The following FGF13 variants were observed in gnomAD, a reference collection of about 807,000 sequenced individuals.
FGF13 encodes fibroblast growth factor homologous factor 2.
FGF13 carries 2 observed loss-of-function variants against 19.5 expected under a neutral mutation model. That is an observed-to-expected ratio of 0.10 (90% CI 0.04 to 0.32). The LOEUF is 0.32. Among genes scored for constraint, FGF13 ranks in the 10% least tolerant of loss-of-function variants. The pLI is 1.00. For synonymous variants in FGF13, 72 were observed against 76.9 expected (o/e 0.94, Z 0.33); for missense variants, 113 against 192.7 (o/e 0.59, Z 2.45).
chrX:138,663,641 T>C (rs1360103540), intron 3 of FGF13, among the ~76,000 whole-genome samples: 2 of 111,817 alleles, frequency 1.8e-5, no homozygotes, highest in Non-Finnish European at 1.9e-5. Context: ...CATTGACTAC[T>C]CTCCCTCACC....
At chrX:138,688,846 G>C (rs185580766) in intron 3 of FGF13, among the ~76,000 whole-genome samples, 4 of 112,051 alleles carry the variant, frequency 3.6e-5, no homozygotes, top group Non-Finnish European at 7.5e-5. Context: ...AGGAGAATCT[G>C]ACTTTTGGGT....
intron 3 of FGF13, among the ~76,000 whole-genome samples, chrX:138,674,272 T>G (rs1365782162): frequency 9.0e-6 from 1 of 111,498 alleles, no homozygotes. Flanking sequence ...ATATTATAGA[T>G]GAGAGAACAA....
At chrX:138,901,934 G>A (rs947070437) in intron 1 of FGF13, among the ~76,000 whole-genome samples, 2 of 112,259 alleles carry the variant, frequency 1.8e-5, no homozygotes, top group African/African-American at 6.5e-5. Context: ...AATGGCTAAT[G>A]GAGGAATTGT....
At chrX:138,875,995 TACACACAC>T (rs749175408) in intron 1 of FGF13, among the ~76,000 whole-genome samples, 33 of 98,054 alleles carry the variant, frequency 3.4e-4, no homozygotes, top group African/African-American at 1.1e-3. Flanking sequence ...TATCGGCTTG[TACACACAC>T]ACACACACAC....
At chrX:138,778,787 C>G (rs973221242) in intron 3 of FGF13, among the ~76,000 whole-genome samples, 25 of 112,516 alleles carry the variant, frequency 2.2e-4, no homozygotes, top group Admixed American at 7.4e-4. Context: ...CAAAGCAGCC[C>G]GGAAGCTCGA....
intron 3 of FGF13, among the ~76,000 whole-genome samples, chrX:138,697,589 T>C (rs2089907852): frequency 9.0e-6 from 1 of 110,882 alleles, no homozygotes; most frequent in African/African-American, 3.3e-5. Flanking sequence ...CTATACGTTT[T>C]GTCTGCCCCA....
At chrX:138,744,351 C>T (rs2090340935), upstream of FGF13, among the ~76,000 whole-genome samples, 1 of 111,684 alleles carries the variant, frequency 9.0e-6, no homozygotes, top group East Asian at 2.8e-4. Flanking sequence ...CTATTATATA[C>T]CTCCAAATAC....
chrX:138,707,021 TTAG>T (rs1305637418), intron 2 of FGF13, among the ~76,000 whole-genome samples: 1 of 112,415 alleles, frequency 8.9e-6, no homozygotes, highest in Non-Finnish European at 1.9e-5. Context: ...TTCAATATCA[TTAG>T]TAGTACACAG....
chrX:139,048,075 C>T (rs2092293392), intron 1 of FGF13, among the ~76,000 whole-genome samples: 1 of 111,220 alleles, frequency 9.0e-6, no homozygotes, highest in Non-Finnish European at 1.9e-5. Flanking sequence ...TAAGGAACAT[C>T]ACCCCACAGA....
chrX:138,847,095 G>T (rs2124119606), intron 3 of FGF13, among the ~76,000 whole-genome samples: 1 of 111,622 alleles, frequency 9.0e-6, no homozygotes, highest in South Asian at 3.8e-4. Context: ...GTTTGTTTTA[G>T]ATAACAAATG....
chrX:138,731,725 GA>G (rs1406558922), intron 1 of FGF13, among the ~76,000 whole-genome samples: 1 of 110,217 alleles, frequency 9.1e-6, no homozygotes, highest in African/African-American at 3.3e-5. Flanking sequence ...AGATAATCAC[GA>G]AAGCCAAAAG....
chrX:139,192,084 C>T (rs1273511763), intron 1 of FGF13, among the ~76,000 whole-genome samples: 1 of 111,573 alleles, frequency 9.0e-6, no homozygotes, highest in Non-Finnish European at 1.9e-5. Flanking sequence ...TAGAAAAAAG[C>T]AGCAAAAAGA....
At chrX:138,732,732 T>A (rs2090241932) in intron 1 of FGF13, among the ~76,000 whole-genome samples, 1 of 110,904 alleles carries the variant, frequency 9.0e-6, no homozygotes. Flanking sequence ...CTTTATTTTA[T>A]ATAAATTACA....
intron 1 of FGF13, among the ~76,000 whole-genome samples, chrX:139,027,680 T>C (rs1257802349): frequency 8.9e-6 from 1 of 111,923 alleles, no homozygotes; most frequent in African/African-American, 3.2e-5. Flanking sequence ...CATTCAATAC[T>C]GATAAGCTGT....
chrX:138,672,898 G>A (rs1042050342), intron 3 of FGF13, among the ~76,000 whole-genome samples: 1 of 111,728 alleles, frequency 9.0e-6, no homozygotes, highest in Non-Finnish European at 1.9e-5. Flanking sequence ...CGAGTGTGGT[G>A]TCCTGAAGCC....
intron 3 of FGF13, among the ~76,000 whole-genome samples, chrX:138,687,930 G>A (rs1241987021): frequency 1.8e-5 from 2 of 109,635 alleles, no homozygotes; most frequent in Non-Finnish European, 3.8e-5. Flanking sequence ...GTTCTCACTC[G>A]CATATGGGAA....
intron 1 of FGF13, among the ~76,000 whole-genome samples, chrX:139,095,416 G>A (rs2083464368): frequency 8.9e-6 from 1 of 111,801 alleles, no homozygotes; most frequent in African/African-American, 3.3e-5. Context: ...AACTGACTGT[G>A]GAACAGTGTG....
intron 3 of FGF13, among the ~76,000 whole-genome samples, chrX:138,820,871 C>T (rs1409905672): frequency 2.7e-5 from 3 of 110,653 alleles, no homozygotes; most frequent in African/African-American, 9.9e-5. Flanking sequence ...GGAGAATAGT[C>T]CAGTGCATTT....
chrX:138,875,043 C>T (rs977577600), intron 1 of FGF13, among the ~76,000 whole-genome samples: 54 of 109,699 alleles, frequency 4.9e-4, no homozygotes, highest in African/African-American at 1.8e-3. Context: ...AGTTTGAGAC[C>T]AGCCTGACCA....
Sources: gnomAD v4.1 joint callset for allele counts (sites outside exome capture counted in the v4.1 genomes callset) on GRCh38, gnomAD v4.1.1 for gene constraint, MANE v1.5 for transcripts, NCBI Gene and HGNC (gene_info 2026-07-23, HGNC 2026-07-21) for gene names.